Variants in PCDH7 observed in about 807,000 individuals in gnomAD.
PCDH7 encodes protocadherin 7, also known as protocadherin-7.
A neutral mutation model predicts 58.9 loss-of-function variants in PCDH7; 17 were observed. The ratio of observed to expected loss-of-function variants is 0.29; its 90% CI spans 0.20 to 0.43. The LOEUF is 0.43. PCDH7 is among the 20% of genes least tolerant of loss of function. The pLI is 1.00. For missense variants in PCDH7, 1,274 were observed against 1,441.0 expected, an observed-to-expected ratio of 0.88 and a Z score of 1.88; for synonymous variants, 664 against 616.4, an observed-to-expected ratio of 1.08 and a Z score of -1.14.
exon 1 of PCDH7, chr4:30,724,226 A>G: frequency 1.2e-6 from 2 of 1,613,760 alleles, no homozygotes; most frequent in Non-Finnish European, 1.7e-6. Flanking sequence ...AAAAAGCCTA[A>G]AAAGGACAAG....
chr4:30,922,105 A>G (rs561593401), intron 2 of PCDH7, among the ~76,000 whole-genome samples: 94 of 151,728 alleles, frequency 6.2e-4, no homozygotes, highest in Non-Finnish European at 4.7e-4. Context: ...TACGTTACAT[A>G]TGTGTAACGT....
At chr4:30,760,472 A>G (rs1249603136) in intron 1 of PCDH7, among the ~76,000 whole-genome samples, 1 of 152,198 alleles carries the variant, frequency 6.6e-6, no homozygotes. Flanking sequence ...AAAGCTTCTT[A>G]AGCTGATAAG....
chr4:30,821,194 A>T (rs1170693922), intron 1 of PCDH7, among the ~76,000 whole-genome samples: 1 of 152,092 alleles, frequency 6.6e-6, no homozygotes, highest in Admixed American at 6.6e-5. Context: ...CACTCTGTTC[A>T]CTCTCAGGTA....
At chr4:30,814,604 G>A (rs1221801293) in intron 1 of PCDH7, among the ~76,000 whole-genome samples, 1 of 151,534 alleles carries the variant, frequency 6.6e-6, no homozygotes, top group Admixed American at 6.6e-5. Context: ...GCCCTTTTGT[G>A]TTGACAATCT....
chr4:31,038,160 C>A (rs1174675173), intron 3 of PCDH7, among the ~76,000 whole-genome samples: 1 of 151,888 alleles, frequency 6.6e-6, no homozygotes, highest in Non-Finnish European at 1.5e-5. Flanking sequence ...AAGGGTTTAG[C>A]CAAACTACTT....
intron 1 of PCDH7, among the ~76,000 whole-genome samples, chr4:30,768,697 C>A (rs1451671532): frequency 6.6e-6 from 1 of 152,158 alleles, no homozygotes; most frequent in Non-Finnish European, 1.5e-5. Context: ...TGTACATGTA[C>A]ATTTTCTGTC....
intron 3 of PCDH7, among the ~76,000 whole-genome samples, chr4:31,089,686 C>T (rs888013215): frequency 1.3e-5 from 2 of 151,968 alleles, no homozygotes; most frequent in African/African-American, 4.8e-5. Flanking sequence ...TTTCTAAAGC[C>T]ATTTATAAAA....
intron 1 of PCDH7, among the ~76,000 whole-genome samples, chr4:30,761,176 G>A (rs1401516427): frequency 6.6e-6 from 1 of 152,196 alleles, no homozygotes; most frequent in Non-Finnish European, 1.5e-5. Flanking sequence ...AGTACCTAAT[G>A]TATGCAGCCT....
At chr4:30,779,776 T>C (rs1722553081) in intron 1 of PCDH7, among the ~76,000 whole-genome samples, 1 of 152,238 alleles carries the variant, frequency 6.6e-6, no homozygotes, top group South Asian at 2.1e-4. Flanking sequence ...AAATACTTTG[T>C]ATTTTTCTAC....
intron 3 of PCDH7, among the ~76,000 whole-genome samples, chr4:31,120,356 C>T (rs540761744): frequency 6.7e-6 from 1 of 150,172 alleles, no homozygotes; most frequent in Non-Finnish European, 1.5e-5. Context: ...CCATTCCTTT[C>T]CTCTTTTTAT....
intron 2 of PCDH7, among the ~76,000 whole-genome samples, chr4:30,925,497 T>TA (rs1335990975): frequency 6.6e-6 from 1 of 152,188 alleles, no homozygotes. Flanking sequence ...GCACAATACC[T>TA]AAAATACCAA....
At chr4:30,727,889 T>A (rs1171815733) in intron 1 of PCDH7, among the ~76,000 whole-genome samples, 1 of 151,940 alleles carries the variant, frequency 6.6e-6, no homozygotes, top group Non-Finnish European at 1.5e-5. Context: ...TGAATTCTAT[T>A]GAGCTTATCC....
At chr4:31,014,310 T>C (rs974933249) in intron 3 of PCDH7, among the ~76,000 whole-genome samples, 16 of 152,322 alleles carry the variant, frequency 1.1e-4, no homozygotes, top group African/African-American at 3.8e-4. Context: ...AGACATTTAA[T>C]GATGAAATAT....
intron 3 of PCDH7, among the ~76,000 whole-genome samples, chr4:31,112,348 T>A (rs1388269427): frequency 6.6e-6 from 1 of 152,234 alleles, no homozygotes; most frequent in Non-Finnish European, 1.5e-5. Flanking sequence ...AATGTTTTCC[T>A]TGGAATTCAT....
At position 30,898,876 on chromosome 4, in the gene PCDH7, C is replaced by A. The variant is rs1449929123; in HGVS notation, c.71-21277C>A. On this transcript the variant is annotated intron_variant, in intron 1 of 3. Coordinates refer to the PCDH7 transcript ENST00000509759. Reference sequence around the variant, plus strand: ...AAAGTGCTGGGATTACAGGCGTGAGCCACGGCGCCTGGCCTGAAATCCCTA... The same window carrying A: ...AAAGTGCTGGGATTACAGGCGTGAGACACGGCGCCTGGCCTGAAATCCCTA... Among the ~76,000 whole-genome samples, 7 of 152,300 alleles carry A rather than the reference C, an allele frequency of 4.6e-5. No individual in the cohort carries two copies. The East Asian group carries it at 1.4e-3, about 29-fold the overall frequency.
rs544133999 is a variant in PCDH7 at position 31,109,096 on chromosome 4, G to A, written c.*8-33377G>A. On this transcript the variant is annotated intron_variant, in intron 3 of 3. Transcript: ENST00000509759. ...CCATGCCATGACAGAAATGACACAAGTGTAGGAACATGCAAAGGCTGGGAG... is the reference window on the plus strand; with the variant it reads ...CCATGCCATGACAGAAATGACACAAATGTAGGAACATGCAAAGGCTGGGAG... Among the ~76,000 whole-genome samples the A allele has an allele frequency of 1.3e-5, 2 of 152,296 alleles. 1 individual carries two copies. The highest frequency in any genetic ancestry group is 4.1e-4 in the South Asian group (2 of 4,828).
At chr4:31,132,018 A>G (rs1000134373) in intron 3 of PCDH7, among the ~76,000 whole-genome samples, 5 of 152,202 alleles carry the variant, frequency 3.3e-5, no homozygotes, top group African/African-American at 1.2e-4. Flanking sequence ...TTAGATTTTC[A>G]CATAAAATAA....
At chr4:31,064,121 T>C (rs1757901839) in intron 3 of PCDH7, among the ~76,000 whole-genome samples, 1 of 152,052 alleles carries the variant, frequency 6.6e-6, no homozygotes, top group Admixed American at 6.6e-5. Context: ...AGCACTGTTT[T>C]CAAAACAGAA....
intron 2 of PCDH7, among the ~76,000 whole-genome samples, chr4:30,947,435 T>C (rs1235623556): frequency 6.6e-6 from 1 of 152,190 alleles, no homozygotes; most frequent in Non-Finnish European, 1.5e-5. Flanking sequence ...ACTCATATCG[T>C]TGTCCATACC....
Sources: gnomAD v4.1 joint callset for allele counts (sites outside exome capture counted in the v4.1 genomes callset) on GRCh38, gnomAD v4.1.1 for gene constraint, MANE v1.5 for transcripts, NCBI Gene and HGNC (gene_info 2026-07-23, HGNC 2026-07-21) for gene names.